SCARB2: variants seen among roughly 807,000 people sequenced by gnomAD.
SCARB2 encodes scavenger receptor class B member 2.
Under a neutral mutation model 58.6 loss-of-function variants are expected in SCARB2, and 29 were observed. The observed-to-expected ratio is 0.49, with a 90% CI of 0.37 to 0.67. SCARB2 has a LOEUF of 0.67. Among genes scored for constraint, SCARB2 ranks in the 30% least tolerant of loss-of-function variants. The probability of loss-of-function intolerance (pLI) is 0.00; values close to 1 mark genes in which losing one functional copy is unlikely to be tolerated. For synonymous variants in SCARB2, 195 were observed against 210.1 expected (o/e 0.93, Z 0.62); for missense variants, 488 against 578.5 (o/e 0.84, Z 1.60).
intron 1 of SCARB2, among the ~76,000 whole-genome samples, chr4:76,197,147 C>T (rs901969190): frequency 1.3e-5 from 2 of 152,212 alleles, no homozygotes; most frequent in African/African-American, 4.8e-5. Context: ...AACTATGAGA[C>T]AAATTTCTGT....
At chr4:76,165,547 G>A (rs1398762807) in intron 10 of SCARB2, 1 of 152,072 alleles carries the variant, frequency 6.6e-6, no homozygotes, top group Non-Finnish European at 1.5e-5. Context: ...ACCTTTTAAA[G>A]TTGTTATTGG....
At chr4:76,174,090 C>G in intron 7 of SCARB2, 54 bp downstream of exon 7, 1 of 1,606,112 alleles carries the variant, frequency 6.2e-7, no homozygotes, top group Non-Finnish European at 8.5e-7. Context: ...TTGTTGAACT[C>G]CAATCCTTCT....
At chr4:76,182,215 C>A (rs773022979) in intron 2 of SCARB2, among the ~76,000 whole-genome samples, 89 of 152,116 alleles carry the variant, frequency 5.9e-4, no homozygotes, top group Non-Finnish European at 9.3e-4. Flanking sequence ...ATCTTTCCTT[C>A]TTCCTAAACC....
At chr4:76,188,845 C>T (rs1732540687) in intron 2 of SCARB2, among the ~76,000 whole-genome samples, 1 of 152,182 alleles carries the variant, frequency 6.6e-6, no homozygotes, top group Non-Finnish European at 1.5e-5. Flanking sequence ...GATCTCACGA[C>T]CCACTCAGCC....
At chr4:76,216,726 C>T (rs886715540), upstream of SCARB2, among the ~76,000 whole-genome samples, 15 of 152,174 alleles carry the variant, frequency 9.9e-5, no homozygotes, top group African/African-American at 3.6e-4. Context: ...AGCCACTTCC[C>T]CTTTAAAACT....
At chr4:76,217,867 A>G (rs1156320677), upstream of SCARB2, among the ~76,000 whole-genome samples, 4 of 152,222 alleles carry the variant, frequency 2.6e-5, no homozygotes, top group Non-Finnish European at 4.4e-5. Context: ...GGGACTTAGA[A>G]AAAGAGCTTT....
In SCARB2 at chr4:76,186,925, G is replaced by C. The variant is rs142137335; in HGVS notation, c.276-5824C>G. On this transcript the variant is annotated intron_variant, in intron 2 of 11. Coordinates refer to ENST00000264896, the MANE Select transcript of SCARB2 (RefSeq NM_005506.4). ...ATCAGAGAAAAGCGAGGCAAGTTTA[G>C]AAAAAAGGAGAAAGCATTCTCCTAT... Among the ~76,000 whole-genome samples, 637 of 151,842 alleles carry C rather than the reference G, an allele frequency of 4.2e-3. 2 individuals carry two copies. Among genetic ancestry groups the C allele is most frequent in the Non-Finnish European group, 7.2e-3 (486 of 67,910 alleles).
chr4:76,227,577 T>G (rs1421840459), intron 1 of SCARB2, among the ~76,000 whole-genome samples: 2 of 152,216 alleles, frequency 1.3e-5, no homozygotes, highest in African/African-American at 4.8e-5. Flanking sequence ...CATTGTTTCT[T>G]TGTTGACTTT....
chr4:76,189,879 C>T (rs12512579), intron 2 of SCARB2, among the ~76,000 whole-genome samples: 47,978 of 151,996 alleles, frequency 0.32, 7,907 homozygotes, highest in Admixed American at 0.47. Flanking sequence ...TAAATTACCC[C>T]CCTGGGTCCC....
chr4:76,194,918 C>T (rs141588371), intron 2 of SCARB2: 2 of 152,146 alleles, frequency 1.3e-5, no homozygotes, highest in Non-Finnish European at 2.9e-5. Context: ...CTAACAGCCT[C>T]TGCTACTTGC....
In SCARB2 at chr4:76,168,330, C is replaced by G. The variant is rs1463602442; in HGVS notation, c.1187+73G>C. The G allele has an allele frequency of 2.6e-6, 3 of 1,169,992 alleles. No homozygotes were observed. In the African/African-American group the frequency reaches 4.5e-5, roughly 18 times the overall value. The allele number at this position is 1,169,992 out of a possible 1,614,324, so 72.5% of individuals were successfully genotyped here. The stretch of plus-strand genomic sequence containing the variant: ...CTTAGATGAAGTAGGCTGTACTCCT[C>G]CTGACATCAACCCCACCAGACGGGC... On this transcript the variant is annotated intron_variant, in intron 9 of 11. Transcript: ENST00000264896.
intron 1 of SCARB2, among the ~76,000 whole-genome samples, chr4:76,219,106 T>A (rs919866618): frequency 1.1e-4 from 17 of 152,302 alleles, no homozygotes; most frequent in Middle Eastern, 6.8e-3. Context: ...TTGGGACTTC[T>A]GGCCTCATGC....
intron 7 of SCARB2, chr4:76,173,755 A>G (rs1362796892): frequency 7.1e-6 from 2 of 280,724 alleles, no homozygotes; most frequent in African/African-American, 2.2e-5. Context: ...AACATGAGCT[A>G]TTATTACTGT....
At chr4:76,175,969 T>C (rs966009850) in intron 5 of SCARB2, 59 bp from the exon 6 acceptor site, 5 of 1,600,910 alleles carry the variant, frequency 3.1e-6, no homozygotes, top group Non-Finnish European at 4.3e-6. Context: ...TAGATTCTCT[T>C]AAATGGTCAG....
At chr4:76,163,055 C>G (rs1731931130) in intron 11 of SCARB2, 170 bp downstream of exon 11, 1 of 774,688 alleles carries the variant, frequency 1.3e-6, no homozygotes, top group South Asian at 1.6e-5. Context: ...GACACACTTC[C>G]TTTGCTTCCC....
chr4:76,215,281 G>A (rs774371157), upstream of SCARB2, among the ~76,000 whole-genome samples: 1 of 152,180 alleles, frequency 6.6e-6, no homozygotes, highest in Non-Finnish European at 1.5e-5. Context: ...AGAACACTGG[G>A]GCTCTGAGTT....
intron 1 of SCARB2, among the ~76,000 whole-genome samples, chr4:76,229,502 C>T (rs76971852): frequency 0.053 from 8,068 of 152,240 alleles, 253 homozygotes; most frequent in Middle Eastern, 0.09. Context: ...AACTCAAGGC[C>T]GCTGTTCAGA....
chr4:76,176,819 G>A, intron 4 of SCARB2: 1 of 295,530 alleles, frequency 3.4e-6, no homozygotes. Context: ...TGGATTTCCA[G>A]GTTGCAGCCC....
At chr4:76,167,635 C>T (rs2109935438) in intron 9 of SCARB2, among the ~76,000 whole-genome samples, 1 of 151,016 alleles carries the variant, frequency 6.6e-6, no homozygotes, top group East Asian at 2.0e-4. Flanking sequence ...TATAAATTAA[C>T]CAATCTCAGG....
Sources: gnomAD v4.1 joint callset for allele counts (sites outside exome capture counted in the v4.1 genomes callset) on GRCh38, gnomAD v4.1.1 for gene constraint, MANE v1.5 for transcripts, NCBI Gene and HGNC (gene_info 2026-07-23, HGNC 2026-07-21) for gene names.